The following HTR2C variants were observed in gnomAD, a reference collection of about 807,000 sequenced individuals.
HTR2C encodes the protein 5-hydroxytryptamine (serotonin) receptor 2C, G protein-coupled.
Under a neutral mutation model 21.0 loss-of-function variants are expected in HTR2C, and 5 were observed. The ratio of observed to expected loss-of-function variants is 0.24; its 90% confidence interval spans 0.12 to 0.50. HTR2C has a LOEUF of 0.50. Among genes scored for constraint, HTR2C ranks in the 20% least tolerant of loss-of-function variants. The pLI, the probability that HTR2C is intolerant of heterozygous loss-of-function variation, is 0.98. For missense variants in HTR2C, 271 were observed against 371.2 expected (o/e 0.73, Z 2.22); for synonymous variants, 150 against 145.3 (o/e 1.03, Z -0.23).
At chrX:114,638,003 A>G (rs1472197246) in intron 2 of HTR2C, among the ~76,000 whole-genome samples, 5 of 111,844 alleles carry the variant, frequency 4.5e-5, no homozygotes, top group Non-Finnish European at 9.4e-5. Flanking sequence ...AAATAATAAG[A>G]AAATAGATCT....
chrX:114,708,235 A>G (rs1438094100), intron 2 of HTR2C, among the ~76,000 whole-genome samples: 2 of 111,657 alleles, frequency 1.8e-5, no homozygotes, highest in Admixed American at 9.6e-5. Context: ...AATCATTTAG[A>G]TTTTTAAGAG....
At chrX:114,754,086 G>T (rs1159630275) in intron 4 of HTR2C, among the ~76,000 whole-genome samples, 1 of 110,804 alleles carries the variant, frequency 9.0e-6, no homozygotes, top group Non-Finnish European at 1.9e-5. Flanking sequence ...TAGTCATATT[G>T]GATTAGGGCC....
rs782557706 is a variant in HTR2C, at chrX:114,673,919, A to G, written c.-79-52939A>G. 5.4e-5 allele frequency among the ~76,000 whole-genome samples: 6 copies of G among 111,561 alleles called. No individual in the cohort carries two copies. The East Asian group carries it at 1.7e-3, about 31-fold the overall frequency. On this transcript the variant is annotated intron_variant, in intron 2 of 5. Transcript: ENST00000276198. ...TGTAAATTTCTGAAAATACATTAAT[A>G]ATATATAATATCATAATATATTCTA... is the stretch of plus-strand genomic sequence containing the variant.
chrX:114,719,000 A>G, intron 2 of HTR2C, among the ~76,000 whole-genome samples: 1 of 101,039 alleles, frequency 9.9e-6, no homozygotes, highest in East Asian at 2.9e-4. Context: ...AATATAATAT[A>G]TAATAATAAT....
At chrX:114,592,566 C>T (rs1419783622) in intron 1 of HTR2C, among the ~76,000 whole-genome samples, 1 of 111,872 alleles carries the variant, frequency 8.9e-6, no homozygotes, top group Non-Finnish European at 1.9e-5. Context: ...TCCCAGATTT[C>T]TTTAATTTCT....
intron 2 of HTR2C, among the ~76,000 whole-genome samples, chrX:114,706,753 G>A (rs1020648258): frequency 9.1e-6 from 1 of 109,651 alleles, no homozygotes; most frequent in African/African-American, 3.3e-5. Context: ...AAAAAGTATG[G>A]TCTATAAAAA....
intron 2 of HTR2C, among the ~76,000 whole-genome samples, chrX:114,696,110 A>G (rs1341994186): frequency 1.8e-5 from 2 of 111,665 alleles, no homozygotes; most frequent in African/African-American, 3.2e-5. Context: ...CATGCTTTAT[A>G]TATTATTGAA....
chrX:114,859,082 A>C (rs1292876937), intron 5 of HTR2C, among the ~76,000 whole-genome samples: 1 of 109,114 alleles, frequency 9.2e-6, no homozygotes, highest in African/African-American at 3.3e-5. Flanking sequence ...AGGATGTTTT[A>C]ATCCATTCCA....
intron 2 of HTR2C, among the ~76,000 whole-genome samples, chrX:114,714,487 G>T (rs188730323): frequency 2.8e-4 from 31 of 111,845 alleles, no homozygotes; most frequent in African/African-American, 9.7e-4. Flanking sequence ...ATAAAGGCAT[G>T]GTACAGAATA....
chrX:114,817,203 C>T (rs1159923520), intron 4 of HTR2C, among the ~76,000 whole-genome samples: 1 of 110,952 alleles, frequency 9.0e-6, no homozygotes, highest in Non-Finnish European at 1.9e-5. Context: ...CTCCTATATA[C>T]TGGAAAATGA....
At chrX:114,601,629 C>A (rs1928096500) in intron 1 of HTR2C, among the ~76,000 whole-genome samples, 1 of 109,673 alleles carries the variant, frequency 9.1e-6, no homozygotes, top group South Asian at 4.1e-4. Flanking sequence ...ATTTTCACTT[C>A]TTTTGTGATT....
At chrX:114,856,180 C>G (rs782780125) in intron 5 of HTR2C, among the ~76,000 whole-genome samples, 15 of 108,791 alleles carry the variant, frequency 1.4e-4, no homozygotes, top group African/African-American at 4.3e-4. Context: ...ACCAACAACA[C>G]ACAAACAGAG....
At chrX:114,636,462 A>C (rs781955424) in intron 2 of HTR2C, among the ~76,000 whole-genome samples, 1 of 112,206 alleles carries the variant, frequency 8.9e-6, no homozygotes, top group South Asian at 3.7e-4. Context: ...AGAGAAAATT[A>C]TTTTTACTTC....
chrX:114,904,661 C>A (rs2071359007), intron 5 of HTR2C, among the ~76,000 whole-genome samples: 1 of 110,962 alleles, frequency 9.0e-6, no homozygotes, highest in Admixed American at 9.7e-5. Flanking sequence ...TATATAAGTT[C>A]CCCCTCTAAC....
At chrX:114,764,246 A>T (rs1412339245) in intron 4 of HTR2C, among the ~76,000 whole-genome samples, 1 of 110,510 alleles carries the variant, frequency 9.0e-6, no homozygotes, top group Non-Finnish European at 1.9e-5. Flanking sequence ...TAAAAGTACA[A>T]AACTAGCTGG....
chrX:114,747,810 C>T (rs956380556), intron 4 of HTR2C, among the ~76,000 whole-genome samples: 1 of 112,045 alleles, frequency 8.9e-6, no homozygotes, highest in Non-Finnish European at 1.9e-5. Context: ...GCCTTCAATC[C>T]AAAAGCCAGC....
intron 4 of HTR2C, among the ~76,000 whole-genome samples, chrX:114,732,224 G>A (rs782031603): frequency 1.2e-3 from 131 of 111,785 alleles, no homozygotes; most frequent in Non-Finnish European, 1.9e-3. Flanking sequence ...ATTTTAAAGA[G>A]GTTTTTAATT....
At chrX:114,819,418 G>T (rs1344217430) in intron 4 of HTR2C, among the ~76,000 whole-genome samples, 1 of 112,073 alleles carries the variant, frequency 8.9e-6, no homozygotes, top group Non-Finnish European at 1.9e-5. Flanking sequence ...GGGGGTAGGT[G>T]CTTTATGATG....
Position 114,906,834 on chromosome X carries a change from T to C in HTR2C, c.796T>C (p.Cys266Arg), listed in dbSNP as rs1262481238. 4.1e-6 allele frequency: 5 copies of C among 1,209,749 alleles called. No individual in the cohort carries two copies. The highest frequency in any genetic ancestry group is 5.6e-6 in the Non-Finnish European group (5 of 894,961). The change falls in exon 6 of 6, where the codon TGC (cysteine) becomes CGC (arginine). Residue 266 changes from cysteine to arginine, a missense_variant. Transcript: ENST00000276198. The part of the protein sequence containing the change: ...PPGLSLDFLK[C>R]CKRNTAEEEN... ...TGGACTAAGTCTGGATTTCCTGAAG[T>C]GCTGCAAGAGGAATACGGCCGAGGA... is the stretch of plus-strand genomic sequence containing the variant.
Sources: gnomAD v4.1 joint callset for allele counts (sites outside exome capture counted in the v4.1 genomes callset) on GRCh38, gnomAD v4.1.1 for gene constraint, MANE v1.5 for transcripts, NCBI Gene and HGNC (gene_info 2026-07-23, HGNC 2026-07-21) for gene names.